ENPEP: variants seen among roughly 807,000 people sequenced by gnomAD.
ENPEP encodes the protein AP-A.
ENPEP carries 103 observed loss-of-function variants against 114.5 expected under a neutral mutation model. That is an observed-to-expected ratio of 0.90 (90% CI 0.77 to 1.06). The LOEUF (loss-of-function observed/expected upper bound fraction) is 1.06. Ranked by LOEUF, ENPEP falls within the 50% of genes least tolerant of loss-of-function variation. The pLI is 0.00. For missense variants in ENPEP, 1,196 were observed against 1,161.3 expected (o/e 1.03, Z -0.43); for synonymous variants, 420 against 422.0 (o/e 1.00, Z 0.06).
At chr4:110,547,793 A>G (rs1034466412) in intron 13 of ENPEP, among the ~76,000 whole-genome samples, 1 of 152,084 alleles carries the variant, frequency 6.6e-6, no homozygotes, top group Non-Finnish European at 1.5e-5. Flanking sequence ...TCAACAAAAT[A>G]CATTTATAGT....
intron 3 of ENPEP, among the ~76,000 whole-genome samples, chr4:110,501,892 G>T (rs1272342382): frequency 6.6e-6 from 1 of 152,132 alleles, no homozygotes; most frequent in Non-Finnish European, 1.5e-5. Flanking sequence ...AAACTAATTT[G>T]CATTCCCACC....
chr4:110,500,689 T>G (rs1360211919), intron 3 of ENPEP, among the ~76,000 whole-genome samples: 4 of 152,200 alleles, frequency 2.6e-5, no homozygotes. Context: ...GCATCCCTCC[T>G]CACTCCATGT....
intron 10 of ENPEP, among the ~76,000 whole-genome samples, chr4:110,529,105 C>G (rs1420291398): frequency 6.6e-6 from 1 of 152,086 alleles, no homozygotes; most frequent in Non-Finnish European, 1.5e-5. Context: ...CAGCTTCTGC[C>G]CTTTTGAGGC....
At chr4:110,549,677 G>C in intron 16 of ENPEP, 39 bp from the exon 17 acceptor site, 3 of 1,612,956 alleles carry the variant, frequency 1.9e-6, no homozygotes, top group Non-Finnish European at 2.5e-6. Context: ...TTTGAGAAAA[G>C]AGTAGTTGAA....
At chr4:110,561,335 T>G in intron 19 of ENPEP, 71 bp from the exon 20 acceptor site, 2 of 1,525,842 alleles carry the variant, frequency 1.3e-6, no homozygotes, top group Admixed American at 3.6e-5. Flanking sequence ...CAAATCCAGT[T>G]TGTGAATGAA....
chr4:110,532,796 C>CA (rs576370144), intron 11 of ENPEP, among the ~76,000 whole-genome samples: 3 of 151,746 alleles, frequency 2.0e-5, no homozygotes, highest in South Asian at 2.1e-4. Flanking sequence ...ATATCGTGAT[C>CA]AAAAAAAATT....
In ENPEP at chr4:110,516,238, A is replaced by T. The variant is rs539954963; in HGVS notation, c.1509+796A>T. On this transcript the variant is annotated intron_variant, in intron 8 of 19. Transcript: ENST00000265162. The stretch of plus-strand genomic sequence containing the variant: ...CCTTTTGGTAACAGAAATGACAATA[A>T]ACTTTCTGAAACATTTCACACATCC... 2.6e-5 allele frequency among the ~76,000 whole-genome samples: 4 copies of T among 152,306 alleles called. No individual in the cohort carries two copies. In the South Asian group the frequency reaches 8.3e-4, roughly 32 times the overall value.
chr4:110,478,251 T>C (rs1724187002), intron 1 of ENPEP, among the ~76,000 whole-genome samples: 1 of 152,224 alleles, frequency 6.6e-6, no homozygotes, highest in South Asian at 2.1e-4. Flanking sequence ...TCCTGTGTGG[T>C]AAACTGATAA....
At chr4:110,539,539 G>A (rs2110383581) in intron 11 of ENPEP, among the ~76,000 whole-genome samples, 1 of 152,138 alleles carries the variant, frequency 6.6e-6, no homozygotes, top group South Asian at 2.1e-4. Context: ...CATTACTCGT[G>A]TCTTTCAGTT....
chr4:110,503,756 A>T lies in ENPEP; in HGVS notation c.919-2881A>T, dbSNP rs189884685. Among the ~76,000 whole-genome samples the T allele has an allele frequency of 4.1e-4, 62 of 152,124 alleles. 1 individual carries two copies. Among genetic ancestry groups the T allele is most frequent in the African/African-American group, 1.1e-3 (46 of 41,500 alleles). ...TACAGTCAGTTGATTTCTTTCCTGG[A>T]TGTTTTCAGAGGACGAAGTGTTTGT... On this transcript the variant is annotated intron_variant, in intron 3 of 19. Transcript: ENST00000265162.
intron 13 of ENPEP, among the ~76,000 whole-genome samples, chr4:110,545,603 G>A (rs2110390084): frequency 6.6e-6 from 1 of 152,132 alleles, no homozygotes; most frequent in Admixed American, 6.5e-5. Context: ...AACAGGGTGG[G>A]AGAGTAGGTG....
At chr4:110,516,895 A>T (rs1244293214) in intron 8 of ENPEP, among the ~76,000 whole-genome samples, 1 of 152,136 alleles carries the variant, frequency 6.6e-6, no homozygotes, top group Non-Finnish European at 1.5e-5. Flanking sequence ...CTTTTCCATA[A>T]GTTTCAAACT....
At chr4:110,537,404 C>G (rs1024442865) in intron 11 of ENPEP, among the ~76,000 whole-genome samples, 1 of 152,128 alleles carries the variant, frequency 6.6e-6, no homozygotes, top group Admixed American at 6.6e-5. Context: ...CTCAAGAAAC[C>G]GCTTTCTTTG....
intron 18 of ENPEP, among the ~76,000 whole-genome samples, chr4:110,556,237 C>A (rs1375865337): frequency 6.6e-6 from 1 of 151,410 alleles, no homozygotes; most frequent in Non-Finnish European, 1.5e-5. Context: ...TGCATACAAA[C>A]AAAAATAAGA....
intron 4 of ENPEP, among the ~76,000 whole-genome samples, chr4:110,507,202 G>T (rs980710206): frequency 2.0e-5 from 3 of 152,102 alleles, no homozygotes; most frequent in Non-Finnish European, 4.4e-5. Flanking sequence ...TCTTTCCATT[G>T]TTGTACAAGG....
Position 110,548,196 on chromosome 4 carries a change from A to C in ENPEP, c.2021A>C (p.Lys674Thr). ...CTCAGAGCTCAACTTCTAGATTATA[A>C]GGTGGCTTTGAACTTGACCAAGTAT... ...ALARAQLLDY[K>T]VALNLTKYLK... Residue 674 changes from lysine to threonine, a missense_variant, in exon 14 of 20, where the codon AAG (lysine) becomes ACG (threonine). Coordinates refer to ENST00000265162, the MANE Select transcript of ENPEP (RefSeq NM_001977.4). 1 of 1,316,794 alleles carries C rather than the reference A, an allele frequency of 7.6e-7. No homozygotes were observed. The highest frequency in any genetic ancestry group is 1.0e-6 in the Non-Finnish European group (1 of 973,040). The allele number at this position is 1,316,794 out of a possible 1,614,324, so 81.6% of individuals were successfully genotyped here. A position where few individuals can be genotyped will look rare whatever the true frequency, so the allele number is the denominator to read the frequency against.
At chr4:110,560,220 C>G (rs1338284721) in intron 19 of ENPEP, among the ~76,000 whole-genome samples, 1 of 152,128 alleles carries the variant, frequency 6.6e-6, no homozygotes, top group Non-Finnish European at 1.5e-5. Context: ...GGTTCCAAGT[C>G]TTTGATATTG....
At chr4:110,491,821 A>T (rs1217982791) in intron 3 of ENPEP, among the ~76,000 whole-genome samples, 3 of 151,048 alleles carry the variant, frequency 2.0e-5, no homozygotes, top group African/African-American at 7.3e-5. Context: ...CCCGGGTTCA[A>T]GTGATTCTCT....
At chr4:110,559,440 A>C (rs919625123) in intron 18 of ENPEP, among the ~76,000 whole-genome samples, 1 of 151,866 alleles carries the variant, frequency 6.6e-6, no homozygotes, top group African/African-American at 2.4e-5. Context: ...GGGTCGTGTC[A>C]ATTTGTCTAC....
Sources: gnomAD v4.1 joint callset for allele counts (sites outside exome capture counted in the v4.1 genomes callset) on GRCh38, gnomAD v4.1.1 for gene constraint, MANE v1.5 for transcripts, NCBI Gene and HGNC (gene_info 2026-07-23, HGNC 2026-07-21) for gene names.